The following PCDHGA8 variants were observed in gnomAD, a reference collection of about 807,000 sequenced individuals.
PCDHGA8 encodes the protein protocadherin gamma-A8.
Under a neutral mutation model 59.2 loss-of-function variants are expected in PCDHGA8, and 45 were observed. The ratio of observed to expected loss-of-function variants is 0.76; its 90% CI spans 0.60 to 0.98. The LOEUF is 0.98. Ranked by LOEUF, PCDHGA8 falls within the 50% of genes least tolerant of loss-of-function variation. The probability of loss-of-function intolerance (pLI) is 0.00; values close to 1 mark genes in which losing one functional copy is unlikely to be tolerated. For missense variants in PCDHGA8, 1,257 were observed against 1,196.2 expected (o/e 1.05, Z -0.75); for synonymous variants, 531 against 519.0 (o/e 1.02, Z -0.32).
intron 1 of PCDHGA8, chr5:141,419,434 G>A (rs372006900): frequency 2.5e-5 from 41 of 1,613,112 alleles, no homozygotes; most frequent in Non-Finnish European, 3.3e-5. Flanking sequence ...ACGAGCAGCT[G>A]CGCACCTTCG....
At chr5:141,507,563 G>A (rs2099861587) in intron 3 of PCDHGA8, among the ~76,000 whole-genome samples, 1 of 152,222 alleles carries the variant, frequency 6.6e-6, no homozygotes, top group Non-Finnish European at 1.5e-5. Flanking sequence ...CAGGCGGCTG[G>A]GTCTGAGGAG....
chr5:141,484,924 T>C (rs1453592037), intron 1 of PCDHGA8: 7 of 484,872 alleles, frequency 1.4e-5, no homozygotes, highest in Non-Finnish European at 2.2e-5. Context: ...ACCCTGCTGC[T>C]GTTGGGACGT....
intron 1 of PCDHGA8, chr5:141,422,668 G>A: frequency 6.2e-7 from 1 of 1,607,686 alleles, no homozygotes; most frequent in Non-Finnish European, 8.5e-7. Context: ...CCTCGACCCG[G>A]ACAGCAAACA....
At chr5:141,403,420 A>G in intron 1 of PCDHGA8, 1 of 1,614,050 alleles carries the variant, frequency 6.2e-7, no homozygotes, top group African/African-American at 1.3e-5. Flanking sequence ...CACTTCCAGA[A>G]GCTATTGATC....
chr5:141,451,739 G>A (rs1343538104), intron 1 of PCDHGA8, among the ~76,000 whole-genome samples: 1 of 152,082 alleles, frequency 6.6e-6, no homozygotes, highest in East Asian at 1.9e-4. Flanking sequence ...AAAATTAGCT[G>A]GTCTGGTGGT....
chr5:141,511,713 C>T lies in PCDHGA8; in HGVS notation c.*540C>T. 5.4e-6 allele frequency: 1 copy of T among 186,446 alleles called. No individual in the cohort carries two copies. Among genetic ancestry groups the T allele is most frequent in the Admixed American group, 5.3e-5 (1 of 18,840 alleles). The allele number at this position is 186,446 out of a possible 1,614,324, so 11.5% of individuals were successfully genotyped here. ...TTGGTGCCAGCCCCTTCACCTCCTT[C>T]CAGAGCCCAAGATCAATGCTCAAGT... On this transcript the variant is annotated 3_prime_UTR_variant, in exon 4 of 4. Transcript: ENST00000398604.
At chr5:141,399,742 A>G in intron 1 of PCDHGA8, 14 of 1,613,320 alleles carry the variant, frequency 8.7e-6, no homozygotes, top group Non-Finnish European at 1.2e-5. Flanking sequence ...GCCTGCGCTC[A>G]GCGCAAACGT....
intron 1 of PCDHGA8, chr5:141,418,140 A>C (rs1487263767): frequency 6.2e-7 from 1 of 1,613,986 alleles, no homozygotes; most frequent in African/African-American, 1.3e-5. Context: ...GACCGTGAGC[A>C]AATATGCAAA....
intron 1 of PCDHGA8, among the ~76,000 whole-genome samples, chr5:141,494,341 G>C (rs565090556): frequency 9.2e-5 from 14 of 152,352 alleles, no homozygotes; most frequent in Admixed American, 9.1e-4. Context: ...ACCAAGAACA[G>C]CAGCCATCTT....
intron 1 of PCDHGA8, among the ~76,000 whole-genome samples, chr5:141,483,631 T>C (rs973545851): frequency 2.7e-5 from 4 of 149,022 alleles, no homozygotes; most frequent in African/African-American, 1.0e-4. Flanking sequence ...TGGGAGAAGG[T>C]ATAGAGGGGT....
chr5:141,415,747 T>TTTTG, intron 1 of PCDHGA8: 2 of 797,626 alleles, frequency 2.5e-6, no homozygotes, highest in Non-Finnish European at 3.1e-6. Flanking sequence ...AAGGTTTTTT[T>TTTTG]TTTTTTTTTT....
chr5:141,430,534 C>CT (rs962032641), intron 1 of PCDHGA8: 2 of 381,726 alleles, frequency 5.2e-6, no homozygotes, highest in Non-Finnish European at 9.2e-6. Context: ...GGTTAGGACT[C>CT]TGAGCGCCGC....
At position 141,437,741 on chromosome 5, in the gene PCDHGA8, C is replaced by CTT. The variant is rs35124340; in HGVS notation, c.2424+42518_2424+42519dup. 4.3e-3 allele frequency among the ~76,000 whole-genome samples: 606 copies of CTT among 141,726 alleles called. 5 individuals are homozygous for CTT. The highest frequency in any genetic ancestry group is 0.012 in the Admixed American group (164 of 14,230). 93.0% of individuals were successfully genotyped at this position (141,726 alleles called of 152,430 possible). A position where few individuals can be genotyped will look rare whatever the true frequency, so the allele number is the denominator to read the frequency against. On this transcript the variant is annotated intron_variant, in intron 1 of 3. Transcript: ENST00000398604. ...CTCTAATGTTACACTTTGAGTTCAC[C>CTT]TTTTTTTTTTTTTTTGAGACAGAGT...
chr5:141,420,079 C>A, intron 1 of PCDHGA8: 1 of 1,613,998 alleles, frequency 6.2e-7, no homozygotes, highest in Non-Finnish European at 8.5e-7. Flanking sequence ...CTGTGGGTCC[C>A]CCCAACTACA....
intron 1 of PCDHGA8, chr5:141,416,685 A>T (rs1292141199): frequency 1.3e-5 from 2 of 152,384 alleles, no homozygotes; most frequent in East Asian, 3.9e-4. Flanking sequence ...AAGGGAAATT[A>T]TATAAACAAA....
intron 1 of PCDHGA8, chr5:141,421,999 TC>T: frequency 9.9e-6 from 16 of 1,609,214 alleles, no homozygotes; most frequent in Non-Finnish European, 1.4e-5. Context: ...AAACATCAGC[TC>T]CGGAACTCGG....
intron 2 of PCDHGA8, among the ~76,000 whole-genome samples, chr5:141,499,937 C>T (rs1257575594): frequency 6.6e-6 from 1 of 152,082 alleles, no homozygotes; most frequent in Non-Finnish European, 1.5e-5. Context: ...ATCCACCCTC[C>T]TCGGCCTCCC....
At chr5:141,484,499 A>G (rs567556335) in intron 1 of PCDHGA8, among the ~76,000 whole-genome samples, 20 of 152,344 alleles carry the variant, frequency 1.3e-4, no homozygotes, top group African/African-American at 4.6e-4. Flanking sequence ...CCGTTTCTGA[A>G]TATTCTGCAG....
intron 1 of PCDHGA8, chr5:141,426,967 T>G (rs151241654): frequency 2.2e-6 from 1 of 456,702 alleles, no homozygotes; most frequent in East Asian, 6.9e-5. Context: ...GCAATTCAAA[T>G]TGAGGTCACT....
Sources: gnomAD v4.1 joint callset for allele counts (sites outside exome capture counted in the v4.1 genomes callset) on GRCh38, gnomAD v4.1.1 for gene constraint, MANE v1.5 for transcripts, NCBI Gene and HGNC (gene_info 2026-07-23, HGNC 2026-07-21) for gene names.